The following STXBP2 variants were observed in gnomAD, a reference collection of about 807,000 sequenced individuals.
The protein encoded by STXBP2 is syntaxin binding protein 2, also known as syntaxin-binding protein 2.
A neutral mutation model predicts 72.2 loss-of-function variants in STXBP2; 47 were observed. The observed-to-expected ratio is 0.65, with a 90% CI of 0.51 to 0.83. The LOEUF (loss-of-function observed/expected upper bound fraction) is 0.83, where lower values mean the gene tolerates loss of function less well. Among genes scored for constraint, STXBP2 ranks in the 40% least tolerant of loss-of-function variants. The probability of loss-of-function intolerance (pLI) is 0.00; values close to 1 mark genes in which losing one functional copy is unlikely to be tolerated. For synonymous variants in STXBP2, 367 were observed against 338.7 expected, an observed-to-expected ratio of 1.08 and a Z score of -0.92; for missense variants, 702 against 807.6, an observed-to-expected ratio of 0.87 and a Z score of 1.58.
intron 1 of STXBP2, among the ~76,000 whole-genome samples, chr19:7,637,412 C>T (rs1220942414): frequency 6.6e-6 from 1 of 152,084 alleles, no homozygotes; most frequent in Admixed American, 6.5e-5. Flanking sequence ...TCCGGGGACC[C>T]AAAGGGGACG....
At chr19:7,635,710 C>CA, upstream of STXBP2, among the ~76,000 whole-genome samples, 2 of 151,814 alleles carry the variant, frequency 1.3e-5, no homozygotes, top group East Asian at 3.9e-4. Context: ...AAAACAAAAA[C>CA]AAACAAAAAT....
the STXBP2 span, chr19:7,631,667 A>G: frequency 1.4e-6 from 2 of 1,468,540 alleles, no homozygotes; most frequent in Non-Finnish European, 1.8e-6. Context: ...GGGCCGAGTG[A>G]GACCCAGGAT....
In STXBP2 at chr19:7,644,731, C is replaced by T. The variant is rs763024326; in HGVS notation, c.1225C>T (p.Leu409Phe). Residue 409 changes from leucine (L) to phenylalanine (F), a missense_variant, in exon 14 of 19, where the codon CTC becomes TTC. Transcript: ENST00000221283. Reference protein sequence around the residue: ...PAYDKIRVLLLYILLRNGVSE... With the variant: ...PAYDKIRVLLFYILLRNGVSE... ...CTACGACAAGATCCGGGTCCTGCTG[C>T]TCTACATCCTCCTTCGGAATGGTGG... The T allele has an allele frequency of 8.1e-6, 13 of 1,613,612 alleles. No individual in the cohort carries two copies. In the South Asian group the frequency reaches 1.4e-4, roughly 18 times the overall value.
the STXBP2 span, chr19:7,631,455 C>T: frequency 3.2e-5 from 49 of 1,531,898 alleles, no homozygotes; most frequent in Middle Eastern, 5.4e-4. Flanking sequence ...CCTGTCCCAC[C>T]CGCTTCTCCA....
Position 7,642,102 on chromosome 19 carries a change from C to T in STXBP2, c.647C>T (p.Thr216Ile), listed in dbSNP as rs776842309. The T allele has an allele frequency of 6.2e-7, 1 of 1,614,146 alleles. No homozygotes were observed. The highest frequency in any genetic ancestry group is 1.3e-5 in the African/African-American group (1 of 75,052). ...AAGCTGAACGCCTTCAAGGCAGACA[C>T]TCCCAGTCTGGGCGAGGTGAGGGGG... is the stretch of plus-strand genomic sequence containing the variant. ...LAKLNAFKADTPSLGEGPEKT... is the reference protein window; with the variant it reads ...LAKLNAFKADIPSLGEGPEKT... The change falls in exon 8 of 19, where the codon ACT (threonine) becomes ATT (isoleucine). Residue 216 changes from threonine to isoleucine, a missense_variant. Thr to Ile is a moderately conservative substitution (Grantham distance 89). Transcript: ENST00000221283. The surrounding 1 kb of genome is among the most constrained non-coding windows in gnomAD (Gnocchi z 6.0).
chr19:7,629,805 A>G, the STXBP2 span: 2 of 1,536,940 alleles, frequency 1.3e-6, no homozygotes. Context: ...CTTTGGGCGG[A>G]ACTGGCTTTG....
chr19:7,640,175 T>G (rs759691374), intron 4 of STXBP2: 2 of 465,882 alleles, frequency 4.3e-6, no homozygotes, highest in African/African-American at 4.1e-5. Context: ...TGTGTGTGCG[T>G]CTGTCTGTGT....
chr19:7,645,156 AC>A, intron 14 of STXBP2, 40 bp from the exon 15 acceptor site: 1 of 1,546,588 alleles, frequency 6.5e-7, no homozygotes, highest in South Asian at 1.2e-5. Flanking sequence ...CTGGGAGCTC[AC>A]CTGGCCGCCG....
In STXBP2 at chr19:7,640,680, A is replaced by G. The variant is rs746250733; in HGVS notation, c.247-51A>G. The G allele has an allele frequency of 3.7e-5, 60 of 1,609,864 alleles. No homozygotes were observed. The Admixed American group carries it at 9.5e-4, about 25-fold the overall frequency. ...GGTGGCTGGGAGGCCTAGGCAGCCA[A>G]TGAGCCTAGGTGTGCAGGCTCAGGC... On this transcript the variant is annotated intron_variant, in intron 4 of 18. Coordinates refer to ENST00000221283, the MANE Select transcript of STXBP2 (RefSeq NM_006949.4).
chr19:7,647,038 C>T (rs1568471615), intron 16 of STXBP2, 124 bp from the exon 17 acceptor site: 1 of 963,884 alleles, frequency 1.0e-6, no homozygotes, highest in East Asian at 2.6e-5. Context: ...CCCCCAGAGG[C>T]AGGAGGTGGA....
At chr19:7,641,090 C>T (rs376020710) in intron 6 of STXBP2, 87 bp downstream of exon 6, 26 of 1,380,018 alleles carry the variant, frequency 1.9e-5, no homozygotes, top group South Asian at 4.8e-5. Context: ...TGAGGCTGGG[C>T]GCAGTGGCTC....
the STXBP2 span, chr19:7,629,900 G>C: frequency 1.9e-5 from 28 of 1,490,448 alleles, no homozygotes; most frequent in Non-Finnish European, 2.4e-5. Context: ...CTGGGCAGGG[G>C]ATCTTCCTGG....
chr19:7,631,705 G>A, the STXBP2 span: 134 of 1,451,576 alleles, frequency 9.2e-5, no homozygotes, highest in East Asian at 2.7e-3. Flanking sequence ...GGCTTGTGTC[G>A]GGGGCTGGGG....
chr19:7,646,755 G>C (rs1046052720), intron 16 of STXBP2: 16 of 391,664 alleles, frequency 4.1e-5, no homozygotes, highest in Middle Eastern at 7.0e-4. Flanking sequence ...GGGGGCCAGA[G>C]ACCTGGGCCT....
At chr19:7,641,609 G>A (rs913270399) in intron 6 of STXBP2, 96 bp from the exon 7 acceptor site, 2 of 1,518,784 alleles carry the variant, frequency 1.3e-6, no homozygotes, top group Non-Finnish European at 1.8e-6. Flanking sequence ...AGGGACCAGG[G>A]ACGGCTCCCA....
rs748908000 is a variant in STXBP2, at chr19:7,647,534, C to T, written c.1696+23C>T. 26 of 1,576,570 alleles carry T rather than the reference C, an allele frequency of 1.6e-5. No individual in the cohort carries two copies. In the South Asian group the frequency reaches 2.7e-4, roughly 17 times the overall value. ...TTGGTAAGTCACCAGGACTGGGACCCTGGGGTCTGGGGCTTGGGTTCCCGG... is the reference window on the plus strand; with the variant it reads ...TTGGTAAGTCACCAGGACTGGGACCTTGGGGTCTGGGGCTTGGGTTCCCGG... On this transcript the variant is annotated intron_variant, in intron 18 of 18. Coordinates refer to ENST00000221283, the MANE Select transcript of STXBP2 (RefSeq NM_006949.4).
rs903286043 is a variant in STXBP2 at position 7,647,067 on chromosome 19, C to T, written c.1453-95C>T. On this transcript the variant is annotated intron_variant, in intron 16 of 18. Transcript: ENST00000221283. ...AGGTGGAGATGCTGGTTCCTGTCTGCCAGGATCTTGGCCCCTGAATACCCC... is the reference window on the plus strand; with the variant it reads ...AGGTGGAGATGCTGGTTCCTGTCTGTCAGGATCTTGGCCCCTGAATACCCC... 7 of 1,334,024 alleles carry T rather than the reference C, an allele frequency of 5.2e-6. No homozygotes were observed. In the African/African-American group the frequency reaches 5.8e-5, roughly 11 times the overall value. The allele number at this position is 1,334,024 out of a possible 1,614,324, so 82.6% of individuals were successfully genotyped here. A position where few individuals can be genotyped will look rare whatever the true frequency, so the allele number is the denominator to read the frequency against.
Position 7,641,020 on chromosome 19 carries a change from T to A in STXBP2, c.429+17T>A, listed in dbSNP as rs1383545270. On this transcript the variant is annotated intron_variant, in intron 6 of 18. Coordinates refer to ENST00000221283, the MANE Select transcript of STXBP2 (RefSeq NM_006949.4). ...GAGGCCCAGGTACGGCCCGGGCTCA[T>A]CCTGGGCAGGGGGTGGGGGTTTGTG... 6.2e-7 allele frequency: 1 copy of A among 1,612,444 alleles called. No homozygotes were observed.
intron 1 of STXBP2, among the ~76,000 whole-genome samples, chr19:7,637,850 T>C (rs2031619025): frequency 6.6e-6 from 1 of 152,238 alleles, no homozygotes; most frequent in African/African-American, 2.4e-5. Flanking sequence ...GCCACCCCGT[T>C]ACTTCTCTCC....
Sources: gnomAD v4.1 joint callset for allele counts (sites outside exome capture counted in the v4.1 genomes callset) on GRCh38, gnomAD v4.1.1 for gene constraint, Gnocchi (gnomAD v3.1) non-coding constraint, MANE v1.5 for transcripts, NCBI Gene and HGNC (gene_info 2026-07-23, HGNC 2026-07-21) for gene names.